Variants in SGK3 observed in about 807,000 individuals in gnomAD.
The protein encoded by SGK3 is serum/glucocorticoid regulated kinase family member 3.
Under a neutral mutation model 68.5 loss-of-function variants are expected in SGK3, and 47 were observed. That is an observed-to-expected ratio of 0.69 (90% CI 0.54 to 0.87). The LOEUF is 0.87. Among genes scored for constraint, SGK3 ranks in the 40% least tolerant of loss-of-function variants. The pLI is 0.00. For missense variants in SGK3, 479 were observed against 575.5 expected (o/e 0.83, Z 1.72); for synonymous variants, 181 against 189.1 (o/e 0.96, Z 0.35).
chr8:66,783,028 A>G (rs999860967), intron 1 of SGK3, among the ~76,000 whole-genome samples: 3 of 152,198 alleles, frequency 2.0e-5, no homozygotes, highest in Non-Finnish European at 4.4e-5. Flanking sequence ...TAGTAAGAAT[A>G]TGTTTAGTTT....
chr8:66,845,763 G>A (rs1809986245), intron 14 of SGK3, among the ~76,000 whole-genome samples: 1 of 150,970 alleles, frequency 6.6e-6, no homozygotes, highest in Non-Finnish European at 1.5e-5. Flanking sequence ...TCGCCATGTT[G>A]CCTAGGCTGG....
At chr8:66,798,772 C>G in intron 3 of SGK3, 147 bp downstream of exon 3, 1 of 648,374 alleles carries the variant, frequency 1.5e-6, no homozygotes, top group East Asian at 2.8e-5. Flanking sequence ...TCAAAAACAT[C>G]CTAACTTTGG....
At chr8:66,722,942 A>G (rs1804837896) in intron 1 of SGK3, among the ~76,000 whole-genome samples, 1 of 151,542 alleles carries the variant, frequency 6.6e-6, no homozygotes, top group Non-Finnish European at 1.5e-5. Context: ...CCAAGCCATG[A>G]GGGATCTGCC....
At chr8:66,760,546 G>T (rs2130459434) in intron 1 of SGK3, among the ~76,000 whole-genome samples, 1 of 151,900 alleles carries the variant, frequency 6.6e-6, no homozygotes, top group Admixed American at 6.6e-5. Flanking sequence ...ATGTTAGCCA[G>T]GATGGTCTTG....
At chr8:66,802,388 A>G (rs1051404473) in intron 3 of SGK3, among the ~76,000 whole-genome samples, 5 of 152,168 alleles carry the variant, frequency 3.3e-5, no homozygotes, top group South Asian at 2.1e-4. Flanking sequence ...ACTTTTTATT[A>G]TAGAAATTGT....
chr8:66,858,214 C>T (rs760816918), intron 16 of SGK3, among the ~76,000 whole-genome samples: 35 of 152,006 alleles, frequency 2.3e-4, no homozygotes, highest in Non-Finnish European at 5.0e-4. Context: ...GCCTGTAATT[C>T]CAGCACTTTG....
intron 3 of SGK3, among the ~76,000 whole-genome samples, chr8:66,804,044 C>T (rs1293404378): frequency 6.6e-6 from 1 of 152,148 alleles, no homozygotes; most frequent in Non-Finnish European, 1.5e-5. Flanking sequence ...AGCCTTAGCA[C>T]TTGCCATACA....
At chr8:66,836,901 G>A (rs2130711874) in intron 10 of SGK3, among the ~76,000 whole-genome samples, 1 of 150,750 alleles carries the variant, frequency 6.6e-6, no homozygotes, top group African/African-American at 2.4e-5. Context: ...TTAAAACCGT[G>A]CAGTCCCCTT....
intron 1 of SGK3, among the ~76,000 whole-genome samples, chr8:66,744,847 C>G (rs2130412392): frequency 6.6e-6 from 1 of 151,176 alleles, no homozygotes; most frequent in Non-Finnish European, 1.5e-5. Flanking sequence ...TGTGTGGGAC[C>G]TTTTGGATTG....
At chr8:66,794,418 A>G (rs1056291466) in intron 2 of SGK3, among the ~76,000 whole-genome samples, 1 of 151,324 alleles carries the variant, frequency 6.6e-6, no homozygotes, top group Non-Finnish European at 1.5e-5. Flanking sequence ...AACATACAAT[A>G]TTGTATTTAG....
At chr8:66,738,550 G>T (rs1372434290) in intron 1 of SGK3, among the ~76,000 whole-genome samples, 1 of 152,094 alleles carries the variant, frequency 6.6e-6, no homozygotes, top group Admixed American at 6.6e-5. Context: ...CTTCTGCACA[G>T]ACTATTCTAA....
At chr8:66,733,767 G>A (rs2130374749) in intron 1 of SGK3, among the ~76,000 whole-genome samples, 1 of 152,286 alleles carries the variant, frequency 6.6e-6, no homozygotes, top group South Asian at 2.1e-4. Flanking sequence ...AATAGAGGTG[G>A]AAGTTTTTGT....
At chr8:66,808,601 C>T (rs1450138023) in intron 4 of SGK3, among the ~76,000 whole-genome samples, 2 of 151,384 alleles carry the variant, frequency 1.3e-5, no homozygotes, top group East Asian at 3.9e-4. Context: ...ACAGCCTCCA[C>T]CTCCTGAGTT....
At chr8:66,721,279 G>T (rs191796128) in intron 1 of SGK3, among the ~76,000 whole-genome samples, 1 of 152,208 alleles carries the variant, frequency 6.6e-6, no homozygotes, top group Non-Finnish European at 1.5e-5. Flanking sequence ...AACACACAGT[G>T]TATAGCAGGT....
chr8:66,833,165 C>G (rs2130702195), intron 8 of SGK3, among the ~76,000 whole-genome samples: 1 of 152,176 alleles, frequency 6.6e-6, no homozygotes, highest in South Asian at 2.1e-4. Flanking sequence ...GCCACCGTGT[C>G]TGGCTAATTT....
chr8:66,758,036 A>ACACACACACACACACACC (rs1448552273), intron 1 of SGK3, among the ~76,000 whole-genome samples: 2 of 146,952 alleles, frequency 1.4e-5, no homozygotes, highest in African/African-American at 5.0e-5. Flanking sequence ...ACACACACAC[A>ACACACACACACACACACC]CCCTTTACAT....
At chr8:66,749,055 C>T (rs1283142103) in intron 1 of SGK3, among the ~76,000 whole-genome samples, 1 of 151,956 alleles carries the variant, frequency 6.6e-6, no homozygotes, top group Non-Finnish European at 1.5e-5. Flanking sequence ...CATCACCACG[C>T]CCGGCTAAAT....
chr8:66,763,728 C>T (rs1382011644), intron 1 of SGK3, among the ~76,000 whole-genome samples: 2 of 151,864 alleles, frequency 1.3e-5, no homozygotes, highest in Non-Finnish European at 2.9e-5. Context: ...ACTGATACTT[C>T]CAATTGAAAT....
chr8:66,740,906 C>CAAAAAAA (rs899256897), intron 1 of SGK3, among the ~76,000 whole-genome samples: 1 of 42,714 alleles, frequency 2.3e-5, no homozygotes, highest in Non-Finnish European at 4.8e-5. Context: ...GACTCTGTCT[C>CAAAAAAA]AAAAAAAAAA....
Sources: allele counts gnomAD v4.1 joint callset (sites outside exome capture counted in the v4.1 genomes callset), GRCh38; gene constraint gnomAD v4.1.1; transcripts MANE v1.5; gene names NCBI Gene and HGNC (gene_info 2026-07-23, HGNC 2026-07-21).